OTUD7B: variants seen among roughly 807,000 people sequenced by gnomAD.
OTUD7B encodes OTU domain-containing protein 7B.
A neutral mutation model predicts 82.2 loss-of-function variants in OTUD7B; 34 were observed. That is an observed-to-expected ratio of 0.41 (90% CI 0.31 to 0.55). The LOEUF (loss-of-function observed/expected upper bound fraction) is 0.55. Ranked by LOEUF, OTUD7B falls within the 20% of genes least tolerant of loss-of-function variation. The pLI is 0.20. For missense variants in OTUD7B, 944 were observed against 1,062.1 expected (o/e 0.89, Z 1.55); for synonymous variants, 398 against 402.7 (o/e 0.99, Z 0.14).
At chr1:149,979,523 C>A (rs1650569696) in intron 1 of OTUD7B, among the ~76,000 whole-genome samples, 1 of 152,128 alleles carries the variant, frequency 6.6e-6, no homozygotes, top group Non-Finnish European at 1.5e-5. Flanking sequence ...TTCACTATAG[C>A]CTCATGATCT....
chr1:149,977,408 T>C lies in OTUD7B; in HGVS notation c.85+18A>G. On this transcript the variant is annotated intron_variant, in intron 2 of 11. Transcript: ENST00000581312. ...CATTTTACTTTCTCTTTTCTCATTC[T>C]CCCCTACAACTCCTCACCTTCTAGG... 6.4e-7 allele frequency: 1 copy of C among 1,559,898 alleles called. No homozygotes were observed. Among genetic ancestry groups the C allele is most frequent in the African/African-American group, 1.4e-5 (1 of 73,980 alleles).
In OTUD7B at chr1:149,943,560, T is replaced by A; in HGVS notation, c.*297A>T. The A allele has an allele frequency of 3.2e-6, 1 of 315,642 alleles. No individual in the cohort carries two copies. The highest frequency in any genetic ancestry group is 5.9e-6 in the Non-Finnish European group (1 of 170,488). 19.6% of individuals were successfully genotyped at this position (315,642 alleles called of 1,614,324 possible). ...CCTTCCCCTGCTACTTTCTCTTAGG[T>A]CCCTGGATGGGACCCAGGAGGTTAT... is the stretch of plus-strand genomic sequence containing the variant. On this transcript the variant is annotated 3_prime_UTR_variant, in exon 12 of 12. Coordinates refer to ENST00000581312, the MANE Select transcript of OTUD7B (RefSeq NM_020205.4).
the OTUD7B span, chr1:150,054,429 A>G: frequency 3.7e-6 from 2 of 534,480 alleles, no homozygotes; most frequent in Non-Finnish European, 3.7e-6. Flanking sequence ...CAAAGAACAC[A>G]CCAGAAATCT....
chr1:149,981,831 TA>T (rs1650753005), intron 1 of OTUD7B, among the ~76,000 whole-genome samples: 1 of 152,134 alleles, frequency 6.6e-6, no homozygotes, highest in African/African-American at 2.4e-5. Flanking sequence ...ACTAACAAGT[TA>T]ATATTAGTTA....
Position 149,945,015 on chromosome 1 carries a change from G to C in OTUD7B, c.1374C>G (p.Pro458=), listed in dbSNP as rs1351891295. 1.4e-5 allele frequency: 22 copies of C among 1,614,110 alleles called. No individual in the cohort carries two copies. The Middle Eastern group carries it at 4.9e-4, about 36-fold the overall frequency. The change falls in exon 12 of 12, where the codon CCC becomes CCG. Residue 458 remains proline, a synonymous_variant. Coordinates refer to ENST00000581312, the MANE Select transcript of OTUD7B (RefSeq NM_020205.4). ...ESPTASAGDE[P]RSTPESGDSD... is the part of the protein sequence containing the mutation. ...AGTCTCCAGACTCAGGAGTGGACCG[G>C]GGCTCATCTCCAGCTGAGGCGGTGG...
intron 11 of OTUD7B, among the ~76,000 whole-genome samples, chr1:149,945,916 C>T (rs1452796305): frequency 4.0e-5 from 6 of 151,808 alleles, no homozygotes; most frequent in African/African-American, 9.7e-5. Flanking sequence ...CAAAATTAGC[C>T]GGACGTGGTG....
the OTUD7B span, among the ~76,000 whole-genome samples, chr1:150,026,231 C>T: frequency 2.6e-5 from 4 of 152,092 alleles, no homozygotes; most frequent in East Asian, 5.8e-4. Context: ...CACTCAGCTG[C>T]AAAGGAGGCT....
rs1649366192 is a variant in OTUD7B, at chr1:149,964,305, A to C, written c.649T>G (p.Leu217Val). 1 of 1,613,994 alleles carries C rather than the reference A, an allele frequency of 6.2e-7. No homozygotes were observed. The highest frequency in any genetic ancestry group is 1.7e-5 in the Admixed American group (1 of 59,994). The change falls in exon 6 of 12, where the codon TTG becomes GTG. Residue 217 changes from leucine to valine, a missense_variant. Physicochemically the swap from Leu to Val is conservative, Grantham distance 32. Transcript: ENST00000581312. ...ACTCCCTTCTCCATCAGTGCATACA[A>C]AGCTTTCCGCAGCATCAAGTCCCGA... is the stretch of plus-strand genomic sequence containing the variant. ...HDRDLMLRKA[L>V]YALMEKGVEK...
chr1:150,067,650 T>C, the OTUD7B span: 2 of 545,482 alleles, frequency 3.7e-6, no homozygotes, highest in Non-Finnish European at 6.5e-6. Flanking sequence ...GCCCAGGCCG[T>C]CTCAGCCGGA....
chr1:150,051,169 C>G, the OTUD7B span, among the ~76,000 whole-genome samples: 1 of 136,718 alleles, frequency 7.3e-6, no homozygotes, highest in Non-Finnish European at 1.5e-5. Flanking sequence ...GCAGAGGTTG[C>G]AGTGAACCGA....
intron 9 of OTUD7B, 133 bp downstream of exon 9, chr1:149,949,496 T>C: frequency 1.0e-6 from 1 of 960,042 alleles, no homozygotes; most frequent in Non-Finnish European, 1.5e-6. Flanking sequence ...TGGCGTAACT[T>C]CTGGCTTAAT....
At chr1:150,050,326 A>G in the OTUD7B span, among the ~76,000 whole-genome samples, 1 of 152,238 alleles carries the variant, frequency 6.6e-6, no homozygotes, top group Non-Finnish European at 1.5e-5. Context: ...TAAACAATAA[A>G]AAGAAGATAG....
chr1:150,025,471 A>AC, the OTUD7B span, among the ~76,000 whole-genome samples: 3 of 149,566 alleles, frequency 2.0e-5, no homozygotes, highest in Non-Finnish European at 4.5e-5. Flanking sequence ...ACACACACAC[A>AC]AATAGACCTC....
At chr1:149,950,056 G>A in intron 8 of OTUD7B, 38 bp downstream of exon 8, 1 of 1,611,260 alleles carries the variant, frequency 6.2e-7, no homozygotes, top group Non-Finnish European at 8.5e-7. Context: ...GCAAAAGGGG[G>A]TGCTCAGCAT....
In OTUD7B at chr1:149,942,642, T is replaced by A. The variant is rs890986663; in HGVS notation, c.*1215A>T. ...AACATCAGTCCTAATATCAAAAATA[T>A]CTCTTCTTAGAAAGTATTTTTAATT... On this transcript the variant is annotated 3_prime_UTR_variant, in exon 12 of 12. Coordinates refer to ENST00000581312, the MANE Select transcript of OTUD7B (RefSeq NM_020205.4). 4.6e-5 allele frequency: 7 copies of A among 152,626 alleles called. No homozygotes were observed. Among genetic ancestry groups the A allele is most frequent in the Admixed American group, 3.3e-4 (5 of 15,272 alleles). The allele number at this position is 152,626 out of a possible 1,614,324, so 9.5% of individuals were successfully genotyped here.
chr1:149,956,460 C>A (rs150263230), intron 7 of OTUD7B, among the ~76,000 whole-genome samples: 2,282 of 152,236 alleles, frequency 0.015, 48 homozygotes, highest in African/African-American at 0.049. Context: ...CTCTGGCTGC[C>A]CTTAGCATTT....
intron 1 of OTUD7B, among the ~76,000 whole-genome samples, chr1:149,988,335 G>A (rs1651302716): frequency 6.6e-6 from 1 of 152,162 alleles, no homozygotes; most frequent in African/African-American, 2.4e-5. Context: ...CCACTAGTAT[G>A]TGTGTGTGTC....
the OTUD7B span, among the ~76,000 whole-genome samples, chr1:150,064,238 G>T: frequency 3.3e-5 from 5 of 152,260 alleles, no homozygotes; most frequent in East Asian, 9.6e-4. Context: ...CATGAGGTAG[G>T]TTACGTTATT....
chr1:150,016,456 T>A, the OTUD7B span, among the ~76,000 whole-genome samples: 1 of 147,234 alleles, frequency 6.8e-6, no homozygotes, highest in Non-Finnish European at 1.5e-5. Flanking sequence ...CTTTTTCTTT[T>A]TTTTTTTTTT....
Sources: allele counts gnomAD v4.1 joint callset (sites outside exome capture counted in the v4.1 genomes callset), GRCh38; gene constraint gnomAD v4.1.1; transcripts MANE v1.5; gene names NCBI Gene and HGNC (gene_info 2026-07-23, HGNC 2026-07-21).